Variants in RCOR1 observed in about 807,000 individuals in gnomAD.
RCOR1 encodes REST corepressor.
RCOR1 carries 12 observed loss-of-function variants against 64.0 expected under a neutral mutation model. The observed-to-expected ratio is 0.19, with a 90% confidence interval of 0.12 to 0.30. The LOEUF (loss-of-function observed/expected upper bound fraction) is 0.30, where lower values mean the gene tolerates loss of function less well. RCOR1 is among the 10% of genes least tolerant of loss of function. The probability of loss-of-function intolerance (pLI) is 1.00; values close to 1 mark genes in which losing one functional copy is unlikely to be tolerated. For synonymous variants in RCOR1, 279 were observed against 227.2 expected, an observed-to-expected ratio of 1.23 and a Z score of -2.05; for missense variants, 502 against 621.2, an observed-to-expected ratio of 0.81 and a Z score of 2.04.
chr14:102,686,135 C>T (rs1895412959), intron 3 of RCOR1, among the ~76,000 whole-genome samples: 1 of 152,006 alleles, frequency 6.6e-6, no homozygotes, highest in Non-Finnish European at 1.5e-5. Flanking sequence ...GATCTTGGCT[C>T]TGTTGTCCAT....
intron 2 of RCOR1, among the ~76,000 whole-genome samples, chr14:102,619,409 C>G (rs1893825976): frequency 2.0e-5 from 3 of 151,148 alleles, no homozygotes; most frequent in African/African-American, 7.3e-5. Context: ...TGTGAGCCAC[C>G]CCACCTGGCC....
chr14:102,617,507 A>G (rs1466589375), intron 2 of RCOR1, among the ~76,000 whole-genome samples: 1 of 151,640 alleles, frequency 6.6e-6, no homozygotes, highest in Middle Eastern at 3.2e-3. Flanking sequence ...TGAGGACAAG[A>G]GTTTGAGCTT....
intron 5 of RCOR1, among the ~76,000 whole-genome samples, chr14:102,707,809 A>G (rs1355108572): frequency 4.6e-5 from 4 of 86,036 alleles, no homozygotes; most frequent in Non-Finnish European, 8.8e-5. Context: ...TTTTTTTTTT[A>G]GACGGAGTCT....
chr14:102,721,035 C>T lies in RCOR1; in HGVS notation c.1082C>T (p.Ala361Val), dbSNP rs142219804. The T allele has an allele frequency of 5.7e-6, 9 of 1,568,478 alleles. No homozygotes were observed. The highest frequency in any genetic ancestry group is 1.8e-5 in the Admixed American group (1 of 54,528). Residue 361 changes from alanine to valine, a missense_variant, in exon 9 of 12, where the codon GCT (alanine) becomes GTT (valine). Ala to Val is a moderately conservative substitution (Grantham distance 64). This residue lies in a region of RCOR1 where 260 missense variants were observed against 416.4 expected (regional missense o/e 0.62). Coordinates refer to ENST00000262241, the MANE Select transcript of RCOR1 (RefSeq NM_015156.4). ...QIQNIKQTNS[A>V]LKEKLDGGIE... ...CAGAATATTAAACAGACAAACAGTGCTCTCAAAGAAAAACTTGATGGTGGA... is the reference window on the plus strand; with the variant it reads ...CAGAATATTAAACAGACAAACAGTGTTCTCAAAGAAAAACTTGATGGTGGA...
intron 2 of RCOR1, among the ~76,000 whole-genome samples, chr14:102,661,031 CAA>C (rs1316002259): frequency 6.6e-6 from 1 of 152,126 alleles, no homozygotes; most frequent in African/African-American, 2.4e-5. Context: ...AAAATCCTCA[CAA>C]ATCTGGATCA....
intron 3 of RCOR1, among the ~76,000 whole-genome samples, chr14:102,694,435 T>C (rs1303477513): frequency 6.6e-6 from 1 of 152,190 alleles, no homozygotes; most frequent in Admixed American, 6.5e-5. Flanking sequence ...TTTTTTGTTT[T>C]TGTTTTTGTT....
rs1896320414 is a variant in RCOR1 at position 102,728,963 on chromosome 14, A to G, written c.*2457A>G. On this transcript the variant is annotated 3_prime_UTR_variant, in exon 12 of 12. Transcript: ENST00000262241. ...TTAGCTTTAAAAGCGCAGTGGTTTG[A>G]TCTTATTTATATGAAGACTTTTTAA... 1 of 152,670 alleles carries G rather than the reference A, an allele frequency of 6.6e-6. No homozygotes were observed. Among genetic ancestry groups the G allele is most frequent in the Non-Finnish European group, 1.5e-5 (1 of 68,046 alleles). 9.5% of individuals were successfully genotyped at this position (152,670 alleles called of 1,614,324 possible). A position where few individuals can be genotyped will look rare whatever the true frequency, so the allele number is the denominator to read the frequency against.
chr14:102,684,538 A>G (rs1356558038), intron 3 of RCOR1, among the ~76,000 whole-genome samples: 1 of 152,136 alleles, frequency 6.6e-6, no homozygotes, highest in Non-Finnish European at 1.5e-5. Flanking sequence ...GAAATGCATT[A>G]TTTTCTATCA....
chr14:102,707,976 T>C (rs1054094363), intron 5 of RCOR1, among the ~76,000 whole-genome samples: 1 of 149,722 alleles, frequency 6.7e-6, no homozygotes, highest in Non-Finnish European at 1.5e-5. Flanking sequence ...TCTTTTTTTT[T>C]TTTTTTTGAG....
At chr14:102,620,341 G>C (rs1231157805) in intron 2 of RCOR1, among the ~76,000 whole-genome samples, 4 of 152,304 alleles carry the variant, frequency 2.6e-5, no homozygotes, top group African/African-American at 7.2e-5. Context: ...GCCAAGGCAG[G>C]CAGATCACAT....
intron 2 of RCOR1, among the ~76,000 whole-genome samples, chr14:102,652,504 T>C (rs1894613484): frequency 6.6e-6 from 1 of 152,186 alleles, no homozygotes; most frequent in Admixed American, 6.5e-5. Context: ...TAGGTGATTA[T>C]ATTATTTGTT....
At position 102,730,159 on chromosome 14, in the gene RCOR1, G is replaced by A. The variant is rs962102658; in HGVS notation, c.*3653G>A. ...TCTCCTAAAACGAAATTTATACCGG[G>A]GTGGATAGTATTCCATTAGGTAGAC... On this transcript the variant is annotated 3_prime_UTR_variant, in exon 12 of 12. Coordinates refer to ENST00000262241, the MANE Select transcript of RCOR1 (RefSeq NM_015156.4). The A allele has an allele frequency of 2.0e-5, 8 of 397,674 alleles. No homozygotes were observed. The highest frequency in any genetic ancestry group is 6.3e-4 in the Middle Eastern group (1 of 1,588). The allele number at this position is 397,674 out of a possible 1,614,324, so 24.6% of individuals were successfully genotyped here. A position where few individuals can be genotyped will look rare whatever the true frequency, so the allele number is the denominator to read the frequency against.
intron 3 of RCOR1, among the ~76,000 whole-genome samples, chr14:102,684,959 C>G (rs966796586): frequency 6.6e-6 from 1 of 152,092 alleles, no homozygotes; most frequent in Non-Finnish European, 1.5e-5. Flanking sequence ...TCTTGGTTGT[C>G]CAGCATTTAT....
chr14:102,648,645 C>T (rs1475090683), intron 2 of RCOR1, among the ~76,000 whole-genome samples: 1 of 152,178 alleles, frequency 6.6e-6, no homozygotes, highest in Non-Finnish European at 1.5e-5. Flanking sequence ...TATATCTCTG[C>T]CTACACATAT....
intron 2 of RCOR1, chr14:102,655,259 T>C: frequency 1.0e-6 from 1 of 985,220 alleles, no homozygotes; most frequent in Non-Finnish European, 1.2e-6. Context: ...CCATTTTCCC[T>C]TCCTGGAGGC....
intron 2 of RCOR1, among the ~76,000 whole-genome samples, chr14:102,678,018 G>A (rs1308424832): frequency 6.7e-6 from 1 of 149,204 alleles, no homozygotes; most frequent in Non-Finnish European, 1.5e-5. Context: ...GGCCAACACA[G>A]CAAAACCCCG....
rs557772790 is a variant in RCOR1, at chr14:102,726,734, G to A, written c.*228G>A. On this transcript the variant is annotated 3_prime_UTR_variant, in exon 12 of 12. Transcript: ENST00000262241. ...CCACTGCATCTCACACTCTGCCCAC[G>A]TGCTGGGGAAGTCTCACGGCCTGCA... The A allele has an allele frequency of 2.1e-5, 11 of 527,694 alleles. No homozygotes were observed. The highest frequency in any genetic ancestry group is 4.0e-5 in the African/African-American group (2 of 49,870). The allele number at this position is 527,694 out of a possible 1,614,324, so 32.7% of individuals were successfully genotyped here. A position where few individuals can be genotyped will look rare whatever the true frequency, so the allele number is the denominator to read the frequency against.
chr14:102,605,014 G>T (rs1893474849), intron 2 of RCOR1, among the ~76,000 whole-genome samples: 1 of 141,846 alleles, frequency 7.0e-6, no homozygotes, highest in African/African-American at 2.6e-5. Context: ...GCTACAGTGA[G>T]CCGAGATCGT....
intron 2 of RCOR1, among the ~76,000 whole-genome samples, chr14:102,595,675 G>T (rs985652779): frequency 6.6e-6 from 1 of 151,726 alleles, no homozygotes; most frequent in African/African-American, 2.4e-5. Flanking sequence ...CGCCTCCCAG[G>T]TTCACGCCAT....
Sources: allele counts gnomAD v4.1 joint callset (sites outside exome capture counted in the v4.1 genomes callset), GRCh38; gene constraint gnomAD v4.1.1; regional missense constraint gnomAD v4.1.1; transcripts MANE v1.5; gene names NCBI Gene and HGNC (gene_info 2026-07-23, HGNC 2026-07-21).